COL25A1: variants seen among roughly 807,000 people sequenced by gnomAD.
The protein encoded by COL25A1 is collagen type XXV alpha 1 chain.
COL25A1 carries 103 observed loss-of-function variants against 128.4 expected under a neutral mutation model. The ratio of observed to expected loss-of-function variants is 0.80; its 90% CI spans 0.68 to 0.94. COL25A1 has a LOEUF of 0.94. Among genes scored for constraint, COL25A1 ranks in the 40% least tolerant of loss-of-function variants. COL25A1 has a pLI of 0.00. For synonymous variants in COL25A1, 279 were observed against 277.2 expected, an observed-to-expected ratio of 1.01 and a Z score of -0.06; for missense variants, 745 against 840.0, an observed-to-expected ratio of 0.89 and a Z score of 1.40.
chr4:109,017,787 C>T (rs1757353635), intron 5 of COL25A1, among the ~76,000 whole-genome samples: 1 of 152,142 alleles, frequency 6.6e-6, no homozygotes, highest in African/African-American at 2.4e-5. Flanking sequence ...GAAATATTAA[C>T]ATTGTTCATG....
chr4:109,028,447 C>A (rs139357516), intron 5 of COL25A1, among the ~76,000 whole-genome samples: 25 of 152,198 alleles, frequency 1.6e-4, no homozygotes, highest in African/African-American at 6.0e-4. Flanking sequence ...GAAAAAGGGG[C>A]CAGGCCCAGT....
chr4:108,949,765 G>C (rs1749188217), intron 8 of COL25A1, among the ~76,000 whole-genome samples: 1 of 152,030 alleles, frequency 6.6e-6, no homozygotes, highest in South Asian at 2.1e-4. Flanking sequence ...TCGTTCTCTT[G>C]ACCTCATCAT....
intron 8 of COL25A1, among the ~76,000 whole-genome samples, chr4:108,970,172 G>C (rs544427984): frequency 1.8e-4 from 27 of 152,304 alleles, no homozygotes; most frequent in Admixed American, 1.6e-3. Context: ...AAAGTGCTGT[G>C]ATTACAGTGG....
chr4:109,216,307 A>C (rs955330283), intron 3 of COL25A1, among the ~76,000 whole-genome samples: 1 of 151,076 alleles, frequency 6.6e-6, no homozygotes, highest in African/African-American at 2.5e-5. Flanking sequence ...GGACGGAAGG[A>C]AGGAAAGACG....
At chr4:109,120,971 G>A (rs1768057596) in intron 3 of COL25A1, among the ~76,000 whole-genome samples, 1 of 151,970 alleles carries the variant, frequency 6.6e-6, no homozygotes, top group Non-Finnish European at 1.5e-5. Flanking sequence ...TAAATGGAGA[G>A]ACATTCCATA....
intron 26 of COL25A1, 28 bp from the exon 27 acceptor site, chr4:108,848,831 CT>C: frequency 6.3e-7 from 1 of 1,583,170 alleles, no homozygotes; most frequent in Non-Finnish European, 8.7e-7. Context: ...GATGACTTGC[CT>C]CCATTCTCAT....
chr4:109,301,676 C>A (rs1180512971), intron 2 of COL25A1, 47 bp downstream of exon 2: 1 of 1,579,228 alleles, frequency 6.3e-7, no homozygotes, highest in Non-Finnish European at 8.6e-7. Context: ...CAGAGTCACG[C>A]TTGTACAAGA....
chr4:108,974,912 A>G (rs1363977450), intron 6 of COL25A1, among the ~76,000 whole-genome samples: 1 of 152,234 alleles, frequency 6.6e-6, no homozygotes, highest in Non-Finnish European at 1.5e-5. Context: ...CTCTACCAAC[A>G]GTAACCACTA....
chr4:108,933,951 A>G (rs1747087523), intron 11 of COL25A1, among the ~76,000 whole-genome samples: 1 of 152,080 alleles, frequency 6.6e-6, no homozygotes, highest in Non-Finnish European at 1.5e-5. Context: ...CTAGAACTAG[A>G]ATTACCATTT....
intron 19 of COL25A1, among the ~76,000 whole-genome samples, chr4:108,871,175 A>C (rs1738660519): frequency 6.6e-6 from 1 of 152,140 alleles, no homozygotes; most frequent in Non-Finnish European, 1.5e-5. Flanking sequence ...GTGTATGGAA[A>C]GTTCTTTTTT....
At chr4:109,238,923 C>G (rs6533422) in intron 3 of COL25A1, among the ~76,000 whole-genome samples, 96,016 of 151,752 alleles carry the variant, frequency 0.63, 32,733 homozygotes, top group African/African-American at 0.89. Context: ...TGCATGCAGA[C>G]TGGTGGGGGT....
chr4:108,920,157 A>G (rs1189295041), intron 12 of COL25A1, among the ~76,000 whole-genome samples: 1 of 152,206 alleles, frequency 6.6e-6, no homozygotes, highest in Non-Finnish European at 1.5e-5. Context: ...GCAAAGAAGG[A>G]CACCAGTAGG....
intron 16 of COL25A1, among the ~76,000 whole-genome samples, chr4:108,894,970 G>A (rs1741956435): frequency 6.6e-6 from 1 of 152,236 alleles, no homozygotes; most frequent in East Asian, 1.9e-4. Context: ...CAACTTGGAG[G>A]TGCCATAGGC....
At chr4:109,058,761 A>G (rs1761673074) in intron 3 of COL25A1, among the ~76,000 whole-genome samples, 1 of 152,202 alleles carries the variant, frequency 6.6e-6, no homozygotes, top group Non-Finnish European at 1.5e-5. Context: ...ACACCATTAC[A>G]CATATGCAAA....
At chr4:108,865,987 T>C (rs916738223) in intron 20 of COL25A1, among the ~76,000 whole-genome samples, 3 of 152,200 alleles carry the variant, frequency 2.0e-5, no homozygotes, top group Non-Finnish European at 4.4e-5. Flanking sequence ...TCTGAAATTA[T>C]ATTATTTGTC....
At chr4:109,234,650 C>G (rs1170321064) in intron 3 of COL25A1, among the ~76,000 whole-genome samples, 2 of 152,006 alleles carry the variant, frequency 1.3e-5, no homozygotes, top group Non-Finnish European at 2.9e-5. Context: ...ATAAGGACCT[C>G]CCAAAATTCA....
intron 19 of COL25A1, among the ~76,000 whole-genome samples, chr4:108,876,033 C>A (rs1269286422): frequency 6.6e-6 from 1 of 151,764 alleles, no homozygotes; most frequent in Admixed American, 6.6e-5. Flanking sequence ...GGACACAGGG[C>A]GGGGAACACC....
At chr4:109,088,873 C>T (rs1764650902) in intron 3 of COL25A1, among the ~76,000 whole-genome samples, 1 of 152,212 alleles carries the variant, frequency 6.6e-6, no homozygotes. Flanking sequence ...TTATAGAGAA[C>T]TCTTTCAAGC....
intron 13 of COL25A1, among the ~76,000 whole-genome samples, chr4:108,903,742 AT>A (rs1219155031): frequency 6.6e-6 from 1 of 152,048 alleles, no homozygotes; most frequent in Non-Finnish European, 1.5e-5. Context: ...CATTGCTTTT[AT>A]AGGCATCCAC....
Sources: gnomAD v4.1 joint callset for allele counts (sites outside exome capture counted in the v4.1 genomes callset) on GRCh38, gnomAD v4.1.1 for gene constraint, MANE v1.5 for transcripts, NCBI Gene and HGNC (gene_info 2026-07-23, HGNC 2026-07-21) for gene names.